Variants in CCDC77 observed in about 807,000 individuals in gnomAD.
The protein encoded by CCDC77 is coiled-coil domain containing 77.
Under a neutral mutation model 66.8 loss-of-function variants are expected in CCDC77, and 56 were observed. The observed-to-expected ratio is 0.84, with a 90% CI of 0.68 to 1.05. CCDC77 has a LOEUF of 1.05. CCDC77 is among the 50% of genes least tolerant of loss of function. The pLI is 0.00. For missense variants in CCDC77, 570 were observed against 576.8 expected (o/e 0.99, Z 0.12); for synonymous variants, 196 against 195.2 (o/e 1.00, Z -0.03).
In CCDC77 at chr12:442,133, C is replaced by T. The variant is rs1044378078; in HGVS notation, c.*213C>T. 38 of 524,418 alleles carry T rather than the reference C, an allele frequency of 7.2e-5. No individual in the cohort carries two copies. The highest frequency in any genetic ancestry group is 1.2e-4 in the Non-Finnish European group (34 of 294,802). 32.5% of individuals were successfully genotyped at this position (524,418 alleles called of 1,614,324 possible). ...ATTTTTGCTGTCCTTTTAACACTTG[C>T]GAGGAGTAGGGGCCTGGTCCTGAAT... On this transcript the variant is annotated 3_prime_UTR_variant, in exon 13 of 13. Transcript: ENST00000239830.
intron 12 of CCDC77, among the ~76,000 whole-genome samples, 196 bp downstream of exon 12, chr12:441,192 C>T (rs1228305252): frequency 6.6e-6 from 1 of 152,186 alleles, no homozygotes; most frequent in African/African-American, 2.4e-5. Context: ...AATCATTGAA[C>T]GACTGCATCA....
intron 3 of CCDC77, among the ~76,000 whole-genome samples, chr12:409,938 C>CA (rs1262768907): frequency 6.7e-6 from 1 of 148,514 alleles, no homozygotes; most frequent in Non-Finnish European, 1.5e-5. Context: ...GTGGAGGTTG[C>CA]AGTGAGCTCA....
At chr12:439,236 T>G (rs1042150278) in intron 10 of CCDC77, among the ~76,000 whole-genome samples, 2 of 151,892 alleles carry the variant, frequency 1.3e-5, no homozygotes, top group Non-Finnish European at 2.9e-5. Flanking sequence ...AATTATAGAT[T>G]AGGCCAGACG....
chr12:407,458 T>A (rs1945017357), intron 2 of CCDC77, among the ~76,000 whole-genome samples: 1 of 152,150 alleles, frequency 6.6e-6, no homozygotes, highest in African/African-American at 2.4e-5. Context: ...GACATCCCCA[T>A]GGAGAGACGG....
chr12:430,853 T>G, intron 7 of CCDC77, 117 bp downstream of exon 7: 1 of 760,490 alleles, frequency 1.3e-6, no homozygotes. Context: ...CTGAGGTTGG[T>G]GGATCACCTG....
chr12:433,410 G>A, intron 9 of CCDC77, 88 bp downstream of exon 9: 2 of 1,542,222 alleles, frequency 1.3e-6, no homozygotes, highest in Non-Finnish European at 1.7e-6. Flanking sequence ...ACAACAGCGG[G>A]TCATAGAACT....
upstream of CCDC77, among the ~76,000 whole-genome samples, chr12:399,172 A>G (rs1944865381): frequency 6.8e-6 from 1 of 148,084 alleles, no homozygotes; most frequent in African/African-American, 2.6e-5. Flanking sequence ...AGCCTTATGA[A>G]ATATTTTTTT....
chr12:436,168 A>G (rs1437666008), intron 9 of CCDC77, among the ~76,000 whole-genome samples: 2 of 131,002 alleles, frequency 1.5e-5, no homozygotes, highest in Non-Finnish European at 3.1e-5. Flanking sequence ...TCCAGGCTGG[A>G]GTGCAGTGGC....
chr12:411,694 ACT>A, intron 3 of CCDC77, 51 bp from the exon 4 acceptor site: 1 of 1,405,446 alleles, frequency 7.1e-7, no homozygotes, highest in Non-Finnish European at 9.8e-7. Flanking sequence ...GGAAGTTATA[ACT>A]CATAAACTTT....
upstream of CCDC77, among the ~76,000 whole-genome samples, chr12:398,559 CCTCCCAAGG>C (rs1452315928): frequency 6.6e-6 from 1 of 151,780 alleles, no homozygotes; most frequent in African/African-American, 2.4e-5. Flanking sequence ...CCTGCCTCAG[CCTCCCAAGG>C]CTCCACTTCT....
intron 4 of CCDC77, among the ~76,000 whole-genome samples, chr12:418,154 A>G (rs12303613): frequency 0.044 from 6,750 of 152,114 alleles, 276 homozygotes; most frequent in African/African-American, 0.11. Flanking sequence ...CCCCATCTCT[A>G]CTAAAAATAC....
At chr12:389,733 G>A (rs1944719830) in intron 1 of CCDC77, among the ~76,000 whole-genome samples, 1 of 152,190 alleles carries the variant, frequency 6.6e-6, no homozygotes, top group Non-Finnish European at 1.5e-5. Context: ...CTTAAGCACC[G>A]CGCCTCACCG....
chr12:437,059 T>C (rs907616042), intron 9 of CCDC77, among the ~76,000 whole-genome samples: 15 of 152,224 alleles, frequency 9.9e-5, no homozygotes, highest in Non-Finnish European at 1.6e-4. Context: ...TTTCCTCTTA[T>C]CTGTGCACTC....
At chr12:400,049 G>C (rs938966597), upstream of CCDC77, among the ~76,000 whole-genome samples, 2 of 152,232 alleles carry the variant, frequency 1.3e-5, no homozygotes, top group Non-Finnish European at 2.9e-5. Flanking sequence ...TGAATAACTT[G>C]CTGCGGCATC....
chr12:438,559 T>C lies in CCDC77; in HGVS notation c.1041+5T>C. 2.5e-6 allele frequency: 4 copies of C among 1,586,462 alleles called. No individual in the cohort carries two copies. Among genetic ancestry groups the C allele is most frequent in the South Asian group, 1.1e-5 (1 of 88,180 alleles). ...GCTCAAAGTGAATATATTAAGGTAA[T>C]GTCCTTATGTCGTAACGAAGTTGTT... On this transcript the variant is annotated splice_donor_5th_base_variant and intron_variant, in intron 10 of 12. Transcript: ENST00000239830.
chr12:438,682 A>G (rs931488316), intron 10 of CCDC77, 128 bp downstream of exon 10: 26 of 656,432 alleles, frequency 4.0e-5, no homozygotes, highest in Non-Finnish European at 6.6e-5. Flanking sequence ...TGCCTCAAGA[A>G]CTAGGTTTCA....
chr12:427,919 T>C (rs931759753), intron 5 of CCDC77, among the ~76,000 whole-genome samples: 5 of 152,154 alleles, frequency 3.3e-5, no homozygotes, highest in African/African-American at 1.2e-4. Flanking sequence ...GGGATTCAGT[T>C]GCAGCAGGCC....
rs537962836 is a variant in CCDC77, at chr12:429,108, G to C, written c.510+243G>C. On this transcript the variant is annotated intron_variant, in intron 6 of 12. Transcript: ENST00000239830. Reference sequence around the variant, plus strand: ...GGGTGGCTGTTTTAGCTGAGACAGAGAGGAAAGCAGGAGCAGACTATGTGT... The same window carrying C: ...GGGTGGCTGTTTTAGCTGAGACAGACAGGAAAGCAGGAGCAGACTATGTGT... Among the ~76,000 whole-genome samples the C allele has an allele frequency of 2.4e-4, 36 of 152,342 alleles. No homozygotes were observed. In the South Asian group the frequency reaches 7.4e-3, roughly 32 times the overall value.
At chr12:411,599 T>G in intron 3 of CCDC77, 148 bp from the exon 4 acceptor site, 1 of 647,548 alleles carries the variant, frequency 1.5e-6, no homozygotes, top group Non-Finnish European at 2.6e-6. Context: ...ATTACAGGCA[T>G]GAGCCACTAT....
Sources: gnomAD v4.1 joint callset for allele counts (sites outside exome capture counted in the v4.1 genomes callset) on GRCh38, gnomAD v4.1.1 for gene constraint, MANE v1.5 for transcripts, NCBI Gene and HGNC (gene_info 2026-07-23, HGNC 2026-07-21) for gene names.